IFTAP: variants seen among roughly 807,000 people sequenced by gnomAD.
IFTAP encodes intraflagellar transport-associated protein.
Under a neutral mutation model 19.4 loss-of-function variants are expected in IFTAP, and 19 were observed. The observed-to-expected ratio is 0.98, with a 90% CI of 0.68 to 1.44. The LOEUF is 1.44. IFTAP is among the 40% of genes most tolerant of loss of function. The pLI is 0.00. For synonymous variants in IFTAP, 85 were observed against 83.5 expected (o/e 1.02, Z -0.10); for missense variants, 240 against 253.6 (o/e 0.95, Z 0.36).
intron 2 of IFTAP, among the ~76,000 whole-genome samples, chr11:36,619,084 C>T (rs1852203352): frequency 6.6e-6 from 1 of 151,926 alleles, no homozygotes; most frequent in South Asian, 2.1e-4. Context: ...GTGACTTCTT[C>T]AAAGTTACAC....
intron 1 of IFTAP, among the ~76,000 whole-genome samples, chr11:36,607,448 G>T (rs374047938): frequency 1.1e-4 from 16 of 152,100 alleles, no homozygotes; most frequent in African/African-American, 3.6e-4. Flanking sequence ...GGCTGGTTCT[G>T]GGAAAGCACC....
chr11:36,611,657 T>A (rs1027991324), intron 2 of IFTAP, among the ~76,000 whole-genome samples: 2 of 152,138 alleles, frequency 1.3e-5, no homozygotes, highest in African/African-American at 4.8e-5. Context: ...AATTGATATC[T>A]GTTTTGTTTA....
intron 4 of IFTAP, among the ~76,000 whole-genome samples, chr11:36,645,734 A>G (rs999419496): frequency 6.6e-6 from 1 of 152,096 alleles, no homozygotes; most frequent in Non-Finnish European, 1.5e-5. Flanking sequence ...AGTTAGAGCC[A>G]TTCAATTTTT....
At position 36,594,531 on chromosome 11, in the gene IFTAP, G is replaced by C; in HGVS notation, c.-85G>C. ...CTGGGATGTGTAGCTTTGGAAATCT[G>C]TCTTTGTTGCTCTGGGAGAGGGGAC... is the stretch of plus-strand genomic sequence containing the variant. On this transcript the variant is annotated 5_prime_UTR_variant, in exon 1 of 6. Transcript: ENST00000334307. 1 of 282,626 alleles carries C rather than the reference G, an allele frequency of 3.5e-6. No individual in the cohort carries two copies. Among genetic ancestry groups the C allele is most frequent in the Non-Finnish European group, 6.7e-6 (1 of 148,238 alleles). The allele number at this position is 282,626 out of a possible 1,614,324, so 17.5% of individuals were successfully genotyped here.
intron 2 of IFTAP, among the ~76,000 whole-genome samples, chr11:36,627,056 G>A (rs1273900047): frequency 1.3e-5 from 2 of 151,238 alleles, no homozygotes; most frequent in Non-Finnish European, 2.9e-5. Flanking sequence ...CTTCAATAAG[G>A]TTATGCTAAG....
chr11:36,616,220 C>A (rs1852082631), intron 2 of IFTAP, among the ~76,000 whole-genome samples: 1 of 151,958 alleles, frequency 6.6e-6, no homozygotes, highest in African/African-American at 2.4e-5. Flanking sequence ...CACATAATAA[C>A]AGCTTTCTAT....
At chr11:36,638,118 G>T (rs112553882) in intron 4 of IFTAP, among the ~76,000 whole-genome samples, 1 of 152,008 alleles carries the variant, frequency 6.6e-6, no homozygotes, top group Non-Finnish European at 1.5e-5. Context: ...CTGAGCTCAG[G>T]CAATCCACCT....
intron 1 of IFTAP, among the ~76,000 whole-genome samples, chr11:36,597,883 T>G (rs1229134389): frequency 6.6e-6 from 1 of 152,144 alleles, no homozygotes; most frequent in Non-Finnish European, 1.5e-5. Context: ...GTACGAAGAT[T>G]AATAATAGTG....
intron 5 of IFTAP, among the ~76,000 whole-genome samples, chr11:36,658,261 T>C (rs559084022): frequency 3.1e-4 from 47 of 152,162 alleles, no homozygotes; most frequent in Non-Finnish European, 3.4e-4. Flanking sequence ...CACCATTTGT[T>C]TTTGGAGAGG....
intron 3 of IFTAP, 121 bp downstream of exon 3, chr11:36,633,559 G>T: frequency 1.4e-6 from 1 of 740,728 alleles, no homozygotes. Context: ...CCTAATTCTA[G>T]AAGGAGTGCC....
At chr11:36,619,033 A>G (rs1169463834) in intron 2 of IFTAP, among the ~76,000 whole-genome samples, 2 of 151,994 alleles carry the variant, frequency 1.3e-5, no homozygotes, top group Non-Finnish European at 2.9e-5. Flanking sequence ...GAAGAGTCAC[A>G]GGTATTTTGC....
intron 2 of IFTAP, among the ~76,000 whole-genome samples, chr11:36,611,813 C>T (rs1235990048): frequency 1.3e-5 from 2 of 151,900 alleles, no homozygotes; most frequent in African/African-American, 4.8e-5. Context: ...TTGATAATGA[C>T]CAAATTATCT....
intron 1 of IFTAP, among the ~76,000 whole-genome samples, chr11:36,609,348 G>A (rs973908603): frequency 1.1e-4 from 16 of 152,180 alleles, no homozygotes; most frequent in African/African-American, 3.4e-4. Context: ...AAATTTTTCA[G>A]TACAACCTCA....
At chr11:36,596,397 A>G (rs1851255967) in intron 1 of IFTAP, among the ~76,000 whole-genome samples, 1 of 152,144 alleles carries the variant, frequency 6.6e-6, no homozygotes, top group African/African-American at 2.4e-5. Context: ...CAGAAGGATT[A>G]TTATCAAAGT....
chr11:36,633,313 G>A lies in IFTAP; in HGVS notation c.166G>A (p.Gly56Arg), dbSNP rs1165523990. The change falls in exon 3 of 6, where the codon GGA becomes AGA. Residue 56 changes from glycine (G) to arginine (R), a missense_variant. Gly to Arg is a moderately radical substitution (Grantham distance 125). Coordinates refer to ENST00000334307, the MANE Select transcript of IFTAP (RefSeq NM_138787.4). ...EDHVSKRGVF[G>R]TDSSENIFTS... ...TCATGTGTCCAAAAGGGGAGTGTTT[G>A]GAACTGATTCTTCAGAAAACATTTT... The A allele has an allele frequency of 5.0e-6, 8 of 1,594,700 alleles. No homozygotes were observed. The highest frequency in any genetic ancestry group is 6.8e-6 in the Non-Finnish European group (8 of 1,171,760).
intron 2 of IFTAP, among the ~76,000 whole-genome samples, chr11:36,610,962 A>G (rs1460644664): frequency 6.6e-6 from 1 of 152,092 alleles, no homozygotes; most frequent in Non-Finnish European, 1.5e-5. Context: ...TAATTGAGCC[A>G]ACGTTTGAAA....
Position 36,604,930 on chromosome 11 carries a change from A to G in IFTAP, c.-23-5151A>G, listed in dbSNP as rs574025000. ...ATATTATCTGAAAGACAAAAAAATT[A>G]GAGGATGCAAAATTGTTGTAGTTCA... is the stretch of plus-strand genomic sequence containing the variant. On this transcript the variant is annotated intron_variant, in intron 1 of 5. Coordinates refer to ENST00000334307, the MANE Select transcript of IFTAP (RefSeq NM_138787.4). Among the ~76,000 whole-genome samples, 5 of 151,858 alleles carry G rather than the reference A, an allele frequency of 3.3e-5. No homozygotes were observed. The South Asian group carries it at 1.0e-3, about 32-fold the overall frequency.
intron 4 of IFTAP, among the ~76,000 whole-genome samples, chr11:36,644,257 A>G (rs182557613): frequency 1.3e-5 from 2 of 152,296 alleles, no homozygotes; most frequent in African/African-American, 4.8e-5. Flanking sequence ...AATGCTCATC[A>G]TCACTGGCCA....
At chr11:36,652,579 C>T (rs576633783) in intron 5 of IFTAP, among the ~76,000 whole-genome samples, 1 of 152,120 alleles carries the variant, frequency 6.6e-6, no homozygotes, top group African/African-American at 2.4e-5. Flanking sequence ...GCCAGAACTT[C>T]CAACACTATG....
Sources: allele counts gnomAD v4.1 joint callset (sites outside exome capture counted in the v4.1 genomes callset), GRCh38; gene constraint gnomAD v4.1.1; transcripts MANE v1.5; gene names NCBI Gene and HGNC (gene_info 2026-07-23, HGNC 2026-07-21).